GABRB2: variants seen among roughly 807,000 people sequenced by gnomAD.
GABRB2 encodes the protein gamma-aminobutyric acid receptor subunit beta-2.
Under a neutral mutation model 54.7 loss-of-function variants are expected in GABRB2, and 16 were observed. The ratio of observed to expected loss-of-function variants is 0.29; its 90% CI spans 0.20 to 0.44. The LOEUF is 0.44. Among genes scored for constraint, GABRB2 ranks in the 20% least tolerant of loss-of-function variants. The pLI is 1.00. For missense variants in GABRB2, 355 were observed against 644.0 expected (o/e 0.55, Z 4.86); for synonymous variants, 244 against 233.8 (o/e 1.04, Z -0.40).
At chr5:161,510,245 G>C (rs1759725508) in intron 3 of GABRB2, among the ~76,000 whole-genome samples, 1 of 148,486 alleles carries the variant, frequency 6.7e-6, no homozygotes. Context: ...TCCTCCCCCA[G>C]CTCCCCCCCA....
intron 9 of GABRB2, among the ~76,000 whole-genome samples, chr5:161,296,242 T>C (rs1038075124): frequency 5.3e-5 from 8 of 152,238 alleles, no homozygotes; most frequent in South Asian, 2.1e-4. Context: ...ACCTATCCTT[T>C]ACTGTTATTT....
upstream of GABRB2, chr5:161,547,861 C>G (rs906084892): frequency 2.0e-5 from 3 of 152,158 alleles, no homozygotes; most frequent in African/African-American, 7.2e-5. Context: ...TGCAGGCGCA[C>G]TCCCCACCCG....
At chr5:161,295,990 T>C (rs958569070) in intron 9 of GABRB2, among the ~76,000 whole-genome samples, 2 of 152,264 alleles carry the variant, frequency 1.3e-5, no homozygotes, top group African/African-American at 2.4e-5. Flanking sequence ...GAAGGAACAT[T>C]TAAAGGTTCC....
At chr5:161,336,836 A>C in intron 5 of GABRB2, 67 bp from the exon 6 acceptor site, 3 of 1,505,096 alleles carry the variant, frequency 2.0e-6, no homozygotes, top group Non-Finnish European at 2.7e-6. Flanking sequence ...AACAGACAAA[A>C]CAGAAAAAAA....
At chr5:161,488,843 C>T (rs1484787952) in intron 3 of GABRB2, among the ~76,000 whole-genome samples, 3 of 151,686 alleles carry the variant, frequency 2.0e-5, no homozygotes, top group Non-Finnish European at 2.9e-5. Context: ...ATACAGCAAG[C>T]AATTGGTGTC....
chr5:161,533,147 G>A (rs946587112), intron 3 of GABRB2, among the ~76,000 whole-genome samples: 2 of 152,104 alleles, frequency 1.3e-5, no homozygotes, highest in Admixed American at 6.6e-5. Flanking sequence ...AATGAAACTT[G>A]GCAATAGGAA....
At chr5:161,334,536 A>T (rs1753935892) in intron 7 of GABRB2, among the ~76,000 whole-genome samples, 2 of 152,222 alleles carry the variant, frequency 1.3e-5, no homozygotes, top group Non-Finnish European at 2.9e-5. Flanking sequence ...CAACAGATAT[A>T]CGGTTAACTA....
intron 3 of GABRB2, among the ~76,000 whole-genome samples, chr5:161,532,111 G>A (rs910281730): frequency 6.6e-6 from 1 of 152,098 alleles, no homozygotes; most frequent in Non-Finnish European, 1.5e-5. Flanking sequence ...GACACATACA[G>A]GGATGAATGC....
At chr5:161,448,593 A>G (rs982264308) in intron 4 of GABRB2, among the ~76,000 whole-genome samples, 19 of 152,134 alleles carry the variant, frequency 1.2e-4, no homozygotes, top group South Asian at 2.1e-4. Flanking sequence ...ACTGAGGGTT[A>G]ATCTAATCTT....
chr5:161,384,479 G>GT (rs562145333), intron 5 of GABRB2, among the ~76,000 whole-genome samples: 2 of 152,176 alleles, frequency 1.3e-5, no homozygotes, highest in African/African-American at 2.4e-5. Context: ...TTCTTTCACG[G>GT]TAACAGTGTT....
At chr5:161,423,831 T>C (rs1231766186) in intron 4 of GABRB2, among the ~76,000 whole-genome samples, 2 of 152,174 alleles carry the variant, frequency 1.3e-5, no homozygotes, top group South Asian at 2.1e-4. Context: ...AGCCATGTTA[T>C]GAACGCAAAA....
At position 161,336,536 on chromosome 5, in the gene GABRB2, T is replaced by C. The variant is rs2113407922; in HGVS notation, c.679+96A>G. The C allele has an allele frequency of 5.1e-6, 7 of 1,374,222 alleles. 1 individual carries two copies. The East Asian group carries it at 1.2e-4, about 24-fold the overall frequency. The allele number at this position is 1,374,222 out of a possible 1,614,324, so 85.1% of individuals were successfully genotyped here. ...TCAGTGGATTTGTCTTGTAAAGTCA[T>C]GGTGCTTCCCTGGGACAGAACTCTA... On this transcript the variant is annotated intron_variant, in intron 6 of 9. Transcript: ENST00000393959.
intron 3 of GABRB2, among the ~76,000 whole-genome samples, chr5:161,478,992 T>G (rs1383419782): frequency 6.6e-6 from 1 of 152,070 alleles, no homozygotes; most frequent in Non-Finnish European, 1.5e-5. Context: ...AATAAGTACA[T>G]ATCCCTGCTT....
chr5:161,469,638 A>G (rs1758380902), intron 3 of GABRB2, among the ~76,000 whole-genome samples: 1 of 151,942 alleles, frequency 6.6e-6, no homozygotes, highest in South Asian at 2.1e-4. Context: ...TATCTGCTTC[A>G]TGTCTAATAC....
intron 4 of GABRB2, among the ~76,000 whole-genome samples, chr5:161,438,318 GCAAGAAC>G (rs1757368410): frequency 6.6e-6 from 1 of 152,188 alleles, no homozygotes; most frequent in South Asian, 2.1e-4. Context: ...TTACAAGTCT[GCAAGAAC>G]CACATCATTA....
chr5:161,383,361 T>C (rs1755526160), intron 5 of GABRB2, among the ~76,000 whole-genome samples: 1 of 152,172 alleles, frequency 6.6e-6, no homozygotes. Context: ...ATGTGGCATT[T>C]GTCTTTCTTT....
At chr5:161,371,607 T>C (rs1755135251) in intron 5 of GABRB2, among the ~76,000 whole-genome samples, 1 of 152,134 alleles carries the variant, frequency 6.6e-6, no homozygotes, top group African/African-American at 2.4e-5. Context: ...CTATGAGATA[T>C]TGAAAGGAGA....
intron 5 of GABRB2, among the ~76,000 whole-genome samples, chr5:161,344,183 A>C (rs1463006485): frequency 6.6e-6 from 1 of 152,114 alleles, no homozygotes; most frequent in Non-Finnish European, 1.5e-5. Flanking sequence ...TCCAGCATTA[A>C]AATATTTTTT....
rs755694724 is a variant in GABRB2 at position 161,334,795 on chromosome 5, G to T, written c.789C>A (p.Ser263=). 36 of 1,613,900 alleles carry T rather than the reference G, an allele frequency of 2.2e-5. No individual in the cohort carries two copies. The highest frequency in any genetic ancestry group is 2.8e-5 in the Non-Finnish European group (33 of 1,179,904). Reference sequence around the variant, plus strand: ...CTGAAGCATCGTAATTAATCCAGAAGGAGACCCAGGAGAGGATGGTAATCA... The same window carrying T: ...CTGAAGCATCGTAATTAATCCAGAATGAGACCCAGGAGAGGATGGTAATCA... ...SILITILSWV[S]FWINYDASAA... The change falls in exon 7 of 10, where the codon TCC becomes TCA. Residue 263 remains serine, a synonymous_variant. Coordinates refer to ENST00000393959, the MANE Select transcript of GABRB2 (RefSeq NM_001371727.1).
Sources: gnomAD v4.1 joint callset for allele counts (sites outside exome capture counted in the v4.1 genomes callset) on GRCh38, gnomAD v4.1.1 for gene constraint, MANE v1.5 for transcripts, NCBI Gene and HGNC (gene_info 2026-07-23, HGNC 2026-07-21) for gene names.